The following HMCN2 variants were observed in gnomAD, a reference collection of about 807,000 sequenced individuals.
The protein encoded by HMCN2 is hemicentin-2.
A neutral mutation model predicts 377.5 loss-of-function variants in HMCN2; 325 were observed. That is an observed-to-expected ratio of 0.86 (90% CI 0.79 to 0.94). The LOEUF (loss-of-function observed/expected upper bound fraction) is 0.94. HMCN2 is among the 40% of genes least tolerant of loss of function. The pLI is 0.00. For missense variants in HMCN2, 4,543 were observed against 4,725.3 expected (o/e 0.96, Z 1.13); for synonymous variants, 2,007 against 2,046.8 (o/e 0.98, Z 0.53).
intron 15 of HMCN2, among the ~76,000 whole-genome samples, chr9:130,317,325 A>T (rs1446033635): frequency 1.3e-5 from 2 of 152,066 alleles, no homozygotes; most frequent in African/African-American, 2.4e-5. Context: ...GCCATGAGTG[A>T]AATTATGGTT....
intron 39 of HMCN2, 96 bp from the exon 40 acceptor site, chr9:130,362,771 C>T (rs529701235): frequency 7.5e-6 from 7 of 935,680 alleles, no homozygotes; most frequent in South Asian, 4.9e-5. Context: ...CAGGCGTGCT[C>T]GGCAGCAAGG....
chr9:130,361,540 G>A lies in HMCN2; in HGVS notation c.5951-468G>A, dbSNP rs1260864311. On this transcript the variant is annotated intron_variant, in intron 38 of 97. Transcript: ENST00000683500. This position sits in a 1 kb window ranked among gnomAD's most constrained non-coding sequence, Gnocchi z 4.8. ...TAAGAGCAGTGGGTAGCTGGGCAGA[G>A]GCCTGGGACCCTGGGCATCATGGCT... is the stretch of plus-strand genomic sequence containing the variant. 6.6e-6 allele frequency among the ~76,000 whole-genome samples: 1 copy of A among 152,216 alleles called. No homozygotes were observed. Among genetic ancestry groups the A allele is most frequent in the Non-Finnish European group, 1.5e-5 (1 of 68,024 alleles).
rs1312813567 is a variant in HMCN2, at chr9:130,354,823, G to T, written c.4925G>T (p.Arg1642Met). ...RPYVVKAVAGRPVALECVARG... is the reference protein window; with the variant it reads ...RPYVVKAVAGMPVALECVARG... ...TACGTGGTGAAGGCTGTGGCTGGGAGGCCTGTGGCGCTGGAGTGCGTGGCC... is the reference window on the plus strand; with the variant it reads ...TACGTGGTGAAGGCTGTGGCTGGGATGCCTGTGGCGCTGGAGTGCGTGGCC... The change falls in exon 32 of 98, where the codon AGG becomes ATG. Residue 1642 changes from arginine (R) to methionine (M), a missense_variant. Physicochemically the swap from Arg to Met is moderately conservative, Grantham distance 91. This residue lies in a region of HMCN2 where 1,032 missense variants were observed against 1,285.1 expected (regional missense o/e 0.80). Coordinates refer to ENST00000683500, the MANE Select transcript of HMCN2 (RefSeq NM_001291815.2). 2 of 1,304,100 alleles carry T rather than the reference G, an allele frequency of 1.5e-6. No individual in the cohort carries two copies. The highest frequency in any genetic ancestry group is 3.0e-5 in the African/African-American group (2 of 65,884). The allele number at this position is 1,304,100 out of a possible 1,614,324, so 80.8% of individuals were successfully genotyped here.
At chr9:130,291,577 G>GA (rs1280892557) in intron 4 of HMCN2, among the ~76,000 whole-genome samples, 2 of 152,148 alleles carry the variant, frequency 1.3e-5, no homozygotes, top group Non-Finnish European at 2.9e-5. Flanking sequence ...CCAAGATGCA[G>GA]AAAAGTAAAA....
At chr9:130,424,017 T>C (rs1344509083) in intron 87 of HMCN2, among the ~76,000 whole-genome samples, 1 of 151,902 alleles carries the variant, frequency 6.6e-6, no homozygotes, top group Non-Finnish European at 1.5e-5. Context: ...TCTCGCTTTG[T>C]TGCCCAGGCT....
chr9:130,312,045 C>T, intron 15 of HMCN2, among the ~76,000 whole-genome samples: 1 of 152,192 alleles, frequency 6.6e-6, no homozygotes, highest in Non-Finnish European at 1.5e-5. Context: ...CTCATGTAAC[C>T]CTCACAACAA....
chr9:130,363,820 C>CAA (rs35226924), intron 40 of HMCN2, among the ~76,000 whole-genome samples: 2,590 of 117,706 alleles, frequency 0.022, 64 homozygotes, highest in Non-Finnish European at 0.027. Context: ...CAGACTCTGT[C>CAA]AAAAAAAAAA....
chr9:130,364,301 C>G (rs982418838), intron 40 of HMCN2, among the ~76,000 whole-genome samples: 1 of 152,222 alleles, frequency 6.6e-6, no homozygotes, highest in Non-Finnish European at 1.5e-5. Context: ...GAGTTCTCCC[C>G]CTGGACCCTG....
intron 3 of HMCN2, 104 bp downstream of exon 3, chr9:130,285,420 G>C: frequency 2.5e-6 from 1 of 408,044 alleles, no homozygotes; most frequent in South Asian, 1.8e-5. Context: ...AGCAGAGCTG[G>C]GCACTTCTCT....
At chr9:130,410,150 AT>A (rs1310255653) in intron 84 of HMCN2, among the ~76,000 whole-genome samples, 1 of 152,220 alleles carries the variant, frequency 6.6e-6, no homozygotes, top group Non-Finnish European at 1.5e-5. Flanking sequence ...ATAGTTATTG[AT>A]TTCCAAAGTA....
chr9:130,292,219 C>T (rs569611324), intron 4 of HMCN2, among the ~76,000 whole-genome samples: 3 of 152,240 alleles, frequency 2.0e-5, no homozygotes, highest in African/African-American at 4.8e-5. Context: ...GTGAGGGTGG[C>T]GACAGCCAGC....
chr9:130,374,848 C>G (rs1481455141), intron 49 of HMCN2, among the ~76,000 whole-genome samples, 155 bp downstream of exon 49: 1 of 152,202 alleles, frequency 6.6e-6, no homozygotes, highest in Non-Finnish European at 1.5e-5. Flanking sequence ...ACTCTATTGA[C>G]GGAACATTTA....
chr9:130,331,736 T>C (rs1347685673), intron 22 of HMCN2, among the ~76,000 whole-genome samples: 1 of 152,182 alleles, frequency 6.6e-6, no homozygotes, highest in African/African-American at 2.4e-5. Flanking sequence ...CGAGGCAGTG[T>C]TTCCAGGCAA....
intron 97 of HMCN2, chr9:130,432,835 G>A (rs1449521188): frequency 2.0e-6 from 1 of 501,880 alleles, no homozygotes; most frequent in Non-Finnish European, 3.6e-6. Context: ...GCCACTCACA[G>A]CGGCCACGGA....
At position 130,386,517 on chromosome 9, in the gene HMCN2, C is replaced by G. The variant is rs750480362; in HGVS notation, c.9384C>G (p.Thr3128=). ...AGGCCGTGCGGACCTTCACCCTCAC[C>G]GTCCAGGGTAAGCCAGGGACCAGCC... ...AGEAVRTFTL[T]VQVPPTFENP... Residue 3128 remains threonine, a synonymous_variant, in exon 61 of 98, where the codon ACC becomes ACG. Transcript: ENST00000683500. The G allele has an allele frequency of 7.7e-7, 1 of 1,303,104 alleles. No homozygotes were observed. Among genetic ancestry groups the G allele is most frequent in the Admixed American group, 2.3e-5 (1 of 43,536 alleles). 80.7% of individuals were successfully genotyped at this position (1,303,104 alleles called of 1,614,324 possible).
At chr9:130,266,812 A>AC in intron 1 of HMCN2, among the ~76,000 whole-genome samples, 1 of 151,544 alleles carries the variant, frequency 6.6e-6, no homozygotes, top group Non-Finnish European at 1.5e-5. Context: ...TTCCCCTTTA[A>AC]CCCCCTGCCT....
chr9:130,285,896 G>A (rs1312790417), intron 3 of HMCN2, among the ~76,000 whole-genome samples: 1 of 152,208 alleles, frequency 6.6e-6, no homozygotes, highest in Non-Finnish European at 1.5e-5. Context: ...ACTCTGAGAT[G>A]AGTCGACTTC....
intron 78 of HMCN2, 90 bp from the exon 79 acceptor site, chr9:130,403,104 G>C: frequency 8.4e-7 from 1 of 1,187,372 alleles, no homozygotes; most frequent in Non-Finnish European, 1.1e-6. Context: ...TCTCCTTAGA[G>C]GCCTCTCTCT....
intron 25 of HMCN2, among the ~76,000 whole-genome samples, chr9:130,343,143 G>A (rs1223498593): frequency 6.6e-6 from 1 of 152,282 alleles, no homozygotes; most frequent in African/African-American, 2.4e-5. Flanking sequence ...CCTGGCTTCT[G>A]CCTTTTTGTG....
Sources: allele counts gnomAD v4.1 joint callset (sites outside exome capture counted in the v4.1 genomes callset), GRCh38; gene constraint gnomAD v4.1.1; regional missense constraint gnomAD v4.1.1; non-coding constraint Gnocchi (gnomAD v3.1); transcripts MANE v1.5; gene names NCBI Gene and HGNC (gene_info 2026-07-23, HGNC 2026-07-21).